Variants in SOX5 observed in about 807,000 individuals in gnomAD.
The protein encoded by SOX5 is transcription factor SOX-5.
SOX5 carries 9 observed loss-of-function variants against 92.0 expected under a neutral mutation model. The ratio of observed to expected loss-of-function variants is 0.10; its 90% CI spans 0.06 to 0.17. The LOEUF (loss-of-function observed/expected upper bound fraction) is 0.17, where lower values mean the gene tolerates loss of function less well. SOX5 is among the 10% of genes least tolerant of loss of function. The probability of loss-of-function intolerance (pLI) is 1.00; values close to 1 mark genes in which losing one functional copy is unlikely to be tolerated. For synonymous variants in SOX5, 344 were observed against 336.3 expected (o/e 1.02, Z -0.25); for missense variants, 642 against 944.5 (o/e 0.68, Z 4.20).
At chr12:24,277,509 TAAA>T (rs1944610116) in intron 2 of SOX5, among the ~76,000 whole-genome samples, 2 of 103,494 alleles carry the variant, frequency 1.9e-5, no homozygotes, top group East Asian at 6.8e-4. Context: ...TTTAAATATA[TAAA>T]TATATATTTA....
chr12:24,075,064 C>G (rs1350810890), intron 4 of SOX5, among the ~76,000 whole-genome samples: 1 of 151,388 alleles, frequency 6.6e-6, no homozygotes, highest in Non-Finnish European at 1.5e-5. Flanking sequence ...AAATTCAAGA[C>G]CAGCCTGGGC....
At chr12:24,065,645 C>CAAAAAAAAAAAAAAAAAAAAA (rs71445983) in intron 4 of SOX5, among the ~76,000 whole-genome samples, 1 of 81,670 alleles carries the variant, frequency 1.2e-5, no homozygotes, top group Non-Finnish European at 2.3e-5. Context: ...GACTCCATCT[C>CAAAAAAAAAAAAAAAAAAAAA]AAAAAAAAAA....
Position 23,741,028 on chromosome 12 carries a change from T to G in SOX5, c.580A>C (p.Ser194Arg), listed in dbSNP as rs568041696. 6.3e-7 allele frequency: 1 copy of G among 1,595,916 alleles called. No individual in the cohort carries two copies. Among genetic ancestry groups the G allele is most frequent in the South Asian group, 1.1e-5 (1 of 89,502 alleles). Residue 194 changes from serine to arginine, a missense_variant, in exon 5 of 15, where the codon AGC (serine) becomes CGC (arginine). Ser to Arg is a moderately radical substitution (Grantham distance 110, BLOSUM62 -1). Coordinates refer to ENST00000451604, the MANE Select transcript of SOX5 (RefSeq NM_006940.6). The stretch of plus-strand genomic sequence containing the variant: ...AGTTGCCTTTCTTTCTCAGCTAAGC[T>G]CTCGGGAGTCCCTACAAATCATATA... ...NFGEIKGTPE[S>R]LAEKERQLMG...
intron 2 of SOX5, among the ~76,000 whole-genome samples, chr12:24,328,759 T>C (rs969921170): frequency 6.6e-6 from 1 of 152,248 alleles, no homozygotes; most frequent in Non-Finnish European, 1.5e-5. Context: ...CCTTTATTAT[T>C]ATCATCATTA....
At chr12:23,651,524 G>T (rs961518158) in intron 7 of SOX5, among the ~76,000 whole-genome samples, 2 of 151,944 alleles carry the variant, frequency 1.3e-5, no homozygotes, top group African/African-American at 4.8e-5. Context: ...GCACTAAAAG[G>T]TACAATCCTT....
intron 1 of SOX5, among the ~76,000 whole-genome samples, chr12:24,515,866 T>C (rs1466009949): frequency 1.3e-5 from 2 of 152,170 alleles, no homozygotes; most frequent in Non-Finnish European, 2.9e-5. Context: ...AAATATACAT[T>C]TGTCTGTGAC....
intron 3 of SOX5, among the ~76,000 whole-genome samples, chr12:23,790,871 C>T (rs926286033): frequency 1.3e-5 from 2 of 152,046 alleles, no homozygotes; most frequent in Non-Finnish European, 1.5e-5. Context: ...ATTTACACCC[C>T]GCTCTATAAG....
chr12:23,854,427 GTATTATACAGTTA>G (rs1378672796), intron 2 of SOX5, among the ~76,000 whole-genome samples: 4 of 151,966 alleles, frequency 2.6e-5, no homozygotes, highest in Non-Finnish European at 4.4e-5. Flanking sequence ...TTTATAATCT[GTATTATACAGTTA>G]TATTATACAG....
chr12:23,687,175 T>G (rs2087751437), intron 6 of SOX5, among the ~76,000 whole-genome samples: 1 of 151,992 alleles, frequency 6.6e-6, no homozygotes, highest in African/African-American at 2.4e-5. Flanking sequence ...TCAAAAAAAT[T>G]GAATGGGCCT....
intron 2 of SOX5, among the ~76,000 whole-genome samples, chr12:24,277,521 T>TTAC (rs1944620416): frequency 6.8e-6 from 1 of 146,166 alleles, no homozygotes. Context: ...AATATATATT[T>TTAC]ATATGTATAT....
chr12:24,354,106 G>T (rs1018158746), intron 2 of SOX5, among the ~76,000 whole-genome samples: 1 of 152,158 alleles, frequency 6.6e-6, no homozygotes, highest in Non-Finnish European at 1.5e-5. Context: ...TGAAATTATA[G>T]ACTGTGAAAA....
chr12:23,659,515 C>T (rs1339845301), intron 7 of SOX5, among the ~76,000 whole-genome samples: 2 of 152,102 alleles, frequency 1.3e-5, no homozygotes, highest in East Asian at 1.9e-4. Flanking sequence ...CTATTTAGCA[C>T]ATATCTGAAA....
intron 1 of SOX5, among the ~76,000 whole-genome samples, chr12:24,462,693 T>A (rs2137506708): frequency 6.6e-6 from 1 of 152,354 alleles, no homozygotes; most frequent in African/African-American, 2.4e-5. Flanking sequence ...TTTTCTAAAA[T>A]CCTTACTTGA....
rs565580267 is a variant in SOX5 at position 24,273,667 on chromosome 12, G to A, written c.-77+3549C>T. Among the ~76,000 whole-genome samples, 215 of 152,152 alleles carry A rather than the reference G, an allele frequency of 1.4e-3. 4 individuals carry two copies. In the South Asian group the frequency reaches 0.015, roughly 10 times the overall value. On this transcript the variant is annotated intron_variant, in intron 3 of 4. Coordinates refer to the SOX5 transcript ENST00000446891. Reference sequence around the variant, plus strand: ...GCTTTCTTAGTCCTCTTTGTTGTACGACTGTTTTCCACCTTGTTAATTTTG... The same window carrying A: ...GCTTTCTTAGTCCTCTTTGTTGTACAACTGTTTTCCACCTTGTTAATTTTG...
intron 8 of SOX5, among the ~76,000 whole-genome samples, chr12:23,621,627 A>G (rs925290445): frequency 9.9e-5 from 15 of 152,122 alleles, no homozygotes; most frequent in African/African-American, 3.4e-4. Context: ...AAATATTGTG[A>G]TTTCAAAGTA....
intron 4 of SOX5, among the ~76,000 whole-genome samples, chr12:24,049,150 T>C (rs1242574304): frequency 1.3e-5 from 2 of 152,196 alleles, no homozygotes; most frequent in Non-Finnish European, 2.9e-5. Flanking sequence ...TGAACAAATC[T>C]AGCTATAGCA....
At chr12:23,644,834 T>C (rs1156357731) in intron 7 of SOX5, among the ~76,000 whole-genome samples, 5 of 152,246 alleles carry the variant, frequency 3.3e-5, no homozygotes, top group Admixed American at 6.5e-5. Flanking sequence ...AATACTATTA[T>C]AGTATGACTA....
At chr12:23,648,050 T>A (rs78118858) in intron 7 of SOX5, among the ~76,000 whole-genome samples, 2,298 of 152,306 alleles carry the variant, frequency 0.015, 49 homozygotes, top group African/African-American at 0.052. Context: ...CTAGCTCACA[T>A]TTTTTAAGTT....
chr12:24,080,828 G>T (rs1019059383), intron 4 of SOX5, among the ~76,000 whole-genome samples: 3 of 151,928 alleles, frequency 2.0e-5, no homozygotes, highest in African/African-American at 7.2e-5. Context: ...TTAGGGGGAA[G>T]AAATGGCATT....
Sources: gnomAD v4.1 joint callset for allele counts (sites outside exome capture counted in the v4.1 genomes callset) on GRCh38, gnomAD v4.1.1 for gene constraint, MANE v1.5 for transcripts, NCBI Gene and HGNC (gene_info 2026-07-23, HGNC 2026-07-21) for gene names.